LINGO2: variants seen among roughly 807,000 people sequenced by gnomAD.
The protein encoded by LINGO2 is leucine-rich repeat and immunoglobulin-like domain-containing nogo receptor-interacting protein 2.
A neutral mutation model predicts 30.6 loss-of-function variants in LINGO2; 14 were observed. That is an observed-to-expected ratio of 0.46 (90% CI 0.30 to 0.72). LINGO2 has a LOEUF of 0.72. Ranked by LOEUF, LINGO2 falls within the 30% of genes least tolerant of loss-of-function variation. LINGO2 has a pLI of 0.07. For synonymous variants in LINGO2, 317 were observed against 288.5 expected (o/e 1.10, Z -1.00); for missense variants, 729 against 751.7 (o/e 0.97, Z 0.35).
At chr9:29,170,712 A>G in the LINGO2 span, among the ~76,000 whole-genome samples, 4 of 152,186 alleles carry the variant, frequency 2.6e-5, no homozygotes, top group Non-Finnish European at 5.9e-5. Context: ...GACATACAAT[A>G]TTTCCTGAAA....
intron 2 of LINGO2, among the ~76,000 whole-genome samples, chr9:28,461,430 G>A (rs972372878): frequency 1.3e-5 from 2 of 152,094 alleles, no homozygotes; most frequent in African/African-American, 4.8e-5. Context: ...ATCAAAAATA[G>A]CAACACATTT....
At chr9:28,990,046 A>G in the LINGO2 span, among the ~76,000 whole-genome samples, 1 of 152,208 alleles carries the variant, frequency 6.6e-6, no homozygotes, top group Admixed American at 6.5e-5. Flanking sequence ...TGGGCGCAGG[A>G]CAGTGGTTGC....
rs987920420 is a variant in LINGO2, at chr9:28,322,682, G to A, written c.-245-27316C>T. 1.0e-3 allele frequency among the ~76,000 whole-genome samples: 157 copies of A among 152,242 alleles called. 1 individual carries two copies. The highest frequency in any genetic ancestry group is 3.6e-3 in the African/African-American group (149 of 41,536). On this transcript the variant is annotated intron_variant, in intron 3 of 5. Transcript: ENST00000379992. Reference sequence around the variant, plus strand: ...ATGTACTGATTGTCTATCACTACCTGTATGATTTGGGGTAAGTCACTGGAC... The same window carrying A: ...ATGTACTGATTGTCTATCACTACCTATATGATTTGGGGTAAGTCACTGGAC...
the LINGO2 span, among the ~76,000 whole-genome samples, chr9:28,731,927 A>T: frequency 0.034 from 5,117 of 152,270 alleles, 279 homozygotes; most frequent in Admixed American, 0.16. Context: ...AAATATACAG[A>T]TCATTCTAGA....
At chr9:28,625,200 G>A (rs1333297165) in intron 1 of LINGO2, among the ~76,000 whole-genome samples, 1 of 152,048 alleles carries the variant, frequency 6.6e-6, no homozygotes, top group Non-Finnish European at 1.5e-5. Flanking sequence ...TGGTCCAAAT[G>A]CTCCTTCTGT....
intron 1 of LINGO2, among the ~76,000 whole-genome samples, chr9:28,569,374 C>G (rs565739400): frequency 2.1e-4 from 31 of 151,154 alleles, no homozygotes; most frequent in African/African-American, 7.5e-4. Flanking sequence ...CAGCCAAGAT[C>G]TAGAAATAAC....
At chr9:27,949,251 T>C in exon 6 of LINGO2, 4 of 1,614,114 alleles carry the variant, frequency 2.5e-6, no homozygotes, top group Non-Finnish European at 1.7e-6. Flanking sequence ...GTCTTGATCC[T>C]GGGCAAAGCG....
chr9:29,007,873 A>G, the LINGO2 span, among the ~76,000 whole-genome samples: 55 of 152,178 alleles, frequency 3.6e-4, no homozygotes, highest in Middle Eastern at 0.014. Flanking sequence ...GAAGATACAC[A>G]TTTAAGAGTA....
At chr9:28,424,475 A>G (rs1212002326) in intron 2 of LINGO2, among the ~76,000 whole-genome samples, 1 of 152,036 alleles carries the variant, frequency 6.6e-6, no homozygotes, top group Non-Finnish European at 1.5e-5. Context: ...ACAACACAAC[A>G]ACTAACAGCA....
chr9:28,296,838 G>A (rs1313677771), intron 3 of LINGO2, among the ~76,000 whole-genome samples: 1 of 152,086 alleles, frequency 6.6e-6, no homozygotes, highest in Non-Finnish European at 1.5e-5. Context: ...GATCCAAGTT[G>A]TGGTACTTAT....
chr9:28,220,048 A>C (rs1820902273), intron 4 of LINGO2, among the ~76,000 whole-genome samples: 1 of 152,186 alleles, frequency 6.6e-6, no homozygotes, highest in Admixed American at 6.5e-5. Context: ...TACACAGTGC[A>C]GTATAACAAC....
At position 28,107,682 on chromosome 9, in the gene LINGO2, T is replaced by A. The variant is rs887085246; in HGVS notation, c.-86-95277A>T. 3.9e-5 allele frequency among the ~76,000 whole-genome samples: 6 copies of A among 152,086 alleles called. No individual in the cohort carries two copies. In the East Asian group the frequency reaches 1.2e-3, roughly 29 times the overall value. ...TAAGGTAAACCTTTCTCAAGCAACA[T>A]AGAGGACAAAGCAAAAAGGGCCAGT... On this transcript the variant is annotated intron_variant, in intron 4 of 5. Coordinates refer to ENST00000379992, the Ensembl canonical transcript of LINGO2.
At chr9:29,175,610 T>C in the LINGO2 span, among the ~76,000 whole-genome samples, 24 of 139,770 alleles carry the variant, frequency 1.7e-4, no homozygotes, top group African/African-American at 5.9e-4. Context: ...CACTGCAACC[T>C]CCACGTCCCG....
chr9:29,031,575 A>T, the LINGO2 span, among the ~76,000 whole-genome samples: 1 of 151,936 alleles, frequency 6.6e-6, no homozygotes, highest in Non-Finnish European at 1.5e-5. Context: ...GAGCCACCGC[A>T]CCCAGCTGGT....
intron 4 of LINGO2, among the ~76,000 whole-genome samples, chr9:28,019,399 G>T (rs565934096): frequency 3.1e-4 from 47 of 151,906 alleles, no homozygotes; most frequent in Admixed American, 6.6e-4. Flanking sequence ...GCTGGGTAGG[G>T]AACCATGGAA....
intron 4 of LINGO2, among the ~76,000 whole-genome samples, chr9:28,257,727 C>G (rs1490080966): frequency 6.6e-6 from 1 of 151,826 alleles, no homozygotes; most frequent in Non-Finnish European, 1.5e-5. Context: ...TATTTCTGCC[C>G]AGTAGAAGAA....
chr9:28,393,083 A>G (rs1203014926), intron 2 of LINGO2, among the ~76,000 whole-genome samples: 1 of 152,220 alleles, frequency 6.6e-6, no homozygotes, highest in Non-Finnish European at 1.5e-5. Flanking sequence ...GTTGTGTGAA[A>G]TCACACAGCC....
At chr9:28,683,391 G>A in the LINGO2 span, among the ~76,000 whole-genome samples, 10 of 151,886 alleles carry the variant, frequency 6.6e-5, no homozygotes, top group Non-Finnish European at 1.5e-4. Context: ...GTCTGGTTTT[G>A]CACTGTGTTT....
At chr9:28,498,430 C>G (rs116069779) in intron 1 of LINGO2, among the ~76,000 whole-genome samples, 3,353 of 152,262 alleles carry the variant, frequency 0.022, 106 homozygotes, top group East Asian at 0.099. Context: ...AATGAGCGAG[C>G]TTCTGTGGGC....
Sources: allele counts gnomAD v4.1 joint callset (sites outside exome capture counted in the v4.1 genomes callset), GRCh38; gene constraint gnomAD v4.1.1; transcripts MANE v1.5; gene names NCBI Gene and HGNC (gene_info 2026-07-23, HGNC 2026-07-21).